REEP3: variants seen among roughly 807,000 people sequenced by gnomAD.
REEP3 encodes receptor expression-enhancing protein 3.
REEP3 carries 20 observed loss-of-function variants against 41.3 expected under a neutral mutation model. The observed-to-expected ratio is 0.48, with a 90% CI of 0.34 to 0.70. REEP3 has a LOEUF of 0.70. Among genes scored for constraint, REEP3 ranks in the 30% least tolerant of loss-of-function variants. The pLI, the probability that REEP3 is intolerant of heterozygous loss-of-function variation, is 0.01. For synonymous variants in REEP3, 104 were observed against 101.8 expected, an observed-to-expected ratio of 1.02 and a Z score of -0.13; for missense variants, 271 against 308.8, an observed-to-expected ratio of 0.88 and a Z score of 0.92.
chr10:63,576,912 C>G (rs1300701373), intron 2 of REEP3, among the ~76,000 whole-genome samples: 1 of 152,118 alleles, frequency 6.6e-6, no homozygotes, highest in African/African-American at 2.4e-5. Flanking sequence ...CTCATTTAAC[C>G]TTAATTACCA....
At chr10:63,586,984 GT>G (rs61633385) in intron 2 of REEP3, among the ~76,000 whole-genome samples, 48,003 of 142,330 alleles carry the variant, frequency 0.34, 8,287 homozygotes, top group African/African-American at 0.47. Flanking sequence ...GTTTATGCAT[GT>G]TTTTTTTTTT....
chr10:63,558,329 T>C (rs1955709308), intron 1 of REEP3, among the ~76,000 whole-genome samples: 1 of 152,216 alleles, frequency 6.6e-6, no homozygotes, highest in Non-Finnish European at 1.5e-5. Context: ...CAGAAACAAA[T>C]GTAGGGAATG....
intron 2 of REEP3, among the ~76,000 whole-genome samples, chr10:63,573,221 C>T (rs1238822029): frequency 6.6e-6 from 1 of 152,192 alleles, no homozygotes; most frequent in African/African-American, 2.4e-5. Flanking sequence ...TCTTCCTTTG[C>T]CTATTTTTAA....
At chr10:63,582,914 C>T (rs561659057) in intron 2 of REEP3, among the ~76,000 whole-genome samples, 2 of 152,250 alleles carry the variant, frequency 1.3e-5, no homozygotes, top group African/African-American at 4.8e-5. Context: ...ATTGCACATG[C>T]CTTTGAAGAG....
chr10:63,530,826 ATTG>A (rs1415924364), intron 1 of REEP3, among the ~76,000 whole-genome samples: 4 of 152,186 alleles, frequency 2.6e-5, no homozygotes, highest in African/African-American at 9.6e-5. Context: ...AAAAGATGTT[ATTG>A]TTTTGATCAT....
intron 1 of REEP3, among the ~76,000 whole-genome samples, chr10:63,534,253 T>A (rs1209265782): frequency 6.6e-6 from 1 of 152,022 alleles, no homozygotes; most frequent in Admixed American, 6.5e-5. Context: ...ATTTTTTATT[T>A]TTTTTTTGTT....
intron 1 of REEP3, among the ~76,000 whole-genome samples, chr10:63,543,995 C>CA (rs1395275083): frequency 6.6e-6 from 1 of 152,126 alleles, no homozygotes; most frequent in East Asian, 1.9e-4. Context: ...CAAGTATGTA[C>CA]AAAATGTTAT....
At chr10:63,615,680 G>C (rs184769784) in intron 6 of REEP3, among the ~76,000 whole-genome samples, 2 of 152,096 alleles carry the variant, frequency 1.3e-5, no homozygotes, top group East Asian at 3.9e-4. Context: ...GAGTAGCTGG[G>C]ATTACAGGCA....
At chr10:63,552,042 G>A (rs993608472) in intron 1 of REEP3, among the ~76,000 whole-genome samples, 3 of 152,108 alleles carry the variant, frequency 2.0e-5, no homozygotes, top group African/African-American at 7.2e-5. Context: ...TGGCATTTCT[G>A]TCTTAATTAT....
At chr10:63,597,201 G>A (rs1056120866) in intron 3 of REEP3, among the ~76,000 whole-genome samples, 2 of 152,212 alleles carry the variant, frequency 1.3e-5, no homozygotes, top group African/African-American at 4.8e-5. Context: ...CCTTGGAAGT[G>A]AACAGTTTAG....
chr10:63,557,272 T>G (rs1955697051), intron 1 of REEP3, among the ~76,000 whole-genome samples: 2 of 152,200 alleles, frequency 1.3e-5, no homozygotes, highest in Admixed American at 1.3e-4. Context: ...ATTTCTAGTA[T>G]TTCCACCATA....
intron 2 of REEP3, among the ~76,000 whole-genome samples, chr10:63,574,629 C>G (rs1022794960): frequency 6.6e-6 from 1 of 152,038 alleles, no homozygotes; most frequent in Admixed American, 6.6e-5. Context: ...CCTGCCATTA[C>G]CATTCTTTAC....
At chr10:63,538,536 T>G (rs1407978859) in intron 1 of REEP3, among the ~76,000 whole-genome samples, 1 of 151,922 alleles carries the variant, frequency 6.6e-6, no homozygotes, top group Non-Finnish European at 1.5e-5. Flanking sequence ...GAGTTCAAGA[T>G]CAGCCTGGCC....
At chr10:63,562,021 G>A (rs1955744165) in intron 1 of REEP3, among the ~76,000 whole-genome samples, 1 of 152,194 alleles carries the variant, frequency 6.6e-6, no homozygotes, top group Non-Finnish European at 1.5e-5. Flanking sequence ...TGTCAGCGGT[G>A]TGGATGAACA....
At chr10:63,601,038 C>G (rs554620579) in intron 5 of REEP3, among the ~76,000 whole-genome samples, 23 of 151,866 alleles carry the variant, frequency 1.5e-4, no homozygotes, top group Non-Finnish European at 2.6e-4. Context: ...CCTGTAATCC[C>G]AGCTACTCGG....
intron 2 of REEP3, among the ~76,000 whole-genome samples, chr10:63,581,403 A>T (rs1955952927): frequency 6.6e-6 from 1 of 152,220 alleles, no homozygotes; most frequent in South Asian, 2.1e-4. Flanking sequence ...AACTATAAAA[A>T]AATTAAAATG....
rs1956380404 is a variant in REEP3, at chr10:63,624,401, A to G, written c.*3532A>G. 1 of 152,128 alleles carries G rather than the reference A, an allele frequency of 6.6e-6. No individual in the cohort carries two copies. Among genetic ancestry groups the G allele is most frequent in the South Asian group, 2.1e-4 (1 of 4,828 alleles). The allele number at this position is 152,128 out of a possible 1,614,324, so 9.4% of individuals were successfully genotyped here. ...TTTAAGACATTGACCATGACTTAACATTTTGCCTTCTAACACCTTTTAAAT... is the reference window on the plus strand; with the variant it reads ...TTTAAGACATTGACCATGACTTAACGTTTTGCCTTCTAACACCTTTTAAAT... On this transcript the variant is annotated 3_prime_UTR_variant, in exon 8 of 8. Coordinates refer to ENST00000373758, the MANE Select transcript of REEP3 (RefSeq NM_001001330.3).
intron 2 of REEP3, among the ~76,000 whole-genome samples, chr10:63,573,599 G>T (rs1267226181): frequency 1.3e-5 from 2 of 152,166 alleles, no homozygotes; most frequent in African/African-American, 4.8e-5. Flanking sequence ...CCTAGAAATG[G>T]CCCTCTAAAA....
At chr10:63,597,383 C>T (rs1400505178) in intron 3 of REEP3, among the ~76,000 whole-genome samples, 7 of 152,166 alleles carry the variant, frequency 4.6e-5, no homozygotes, top group African/African-American at 7.2e-5. Flanking sequence ...TACTTCCATG[C>T]CAGTTTGGCT....
Sources: gnomAD v4.1 joint callset for allele counts (sites outside exome capture counted in the v4.1 genomes callset) on GRCh38, gnomAD v4.1.1 for gene constraint, MANE v1.5 for transcripts, NCBI Gene and HGNC (gene_info 2026-07-23, HGNC 2026-07-21) for gene names.